The following KCNK2 variants were observed in gnomAD, a reference collection of about 807,000 sequenced individuals.
KCNK2 encodes potassium channel subfamily K member 2.
A neutral mutation model predicts 40.5 loss-of-function variants in KCNK2; 21 were observed. The ratio of observed to expected loss-of-function variants is 0.52; its 90% CI spans 0.37 to 0.75. The LOEUF (loss-of-function observed/expected upper bound fraction) is 0.75, where lower values mean the gene tolerates loss of function less well. KCNK2 is among the 30% of genes least tolerant of loss of function. The pLI is 0.00. For synonymous variants in KCNK2, 191 were observed against 202.2 expected, an observed-to-expected ratio of 0.94 and a Z score of 0.47; for missense variants, 399 against 531.6, an observed-to-expected ratio of 0.75 and a Z score of 2.45.
chr1:215,231,854 G>T (rs1666680482), intron 6 of KCNK2, among the ~76,000 whole-genome samples: 1 of 152,254 alleles, frequency 6.6e-6, no homozygotes, highest in Admixed American at 6.5e-5. Flanking sequence ...GACTTCTTAC[G>T]TGGCAGCGGG....
At chr1:215,210,494 GA>G (rs2102688103) in intron 6 of KCNK2, among the ~76,000 whole-genome samples, 1 of 152,162 alleles carries the variant, frequency 6.6e-6, no homozygotes, top group East Asian at 1.9e-4. Flanking sequence ...TAGTGTCTCT[GA>G]TTTGCAAGTT....
chr1:215,068,363 T>C (rs1658631584), intron 1 of KCNK2, among the ~76,000 whole-genome samples: 1 of 152,018 alleles, frequency 6.6e-6, no homozygotes, highest in Non-Finnish European at 1.5e-5. Context: ...CATATGAAAA[T>C]GGTACAGAGG....
chr1:215,058,404 T>C (rs1266980753), intron 1 of KCNK2, among the ~76,000 whole-genome samples: 3 of 152,210 alleles, frequency 2.0e-5, no homozygotes, highest in Non-Finnish European at 4.4e-5. Flanking sequence ...TTTTCTCCTC[T>C]ATATATCTTT....
chr1:215,015,608 G>C (rs1349672), intron 1 of KCNK2, among the ~76,000 whole-genome samples: 10,005 of 152,086 alleles, frequency 0.066, 910 homozygotes, highest in African/African-American at 0.2. Context: ...TGACAGAGAC[G>C]TGTGCTCCCA....
In KCNK2 at chr1:215,153,581, T is replaced by TA. The variant is rs199807528; in HGVS notation, c.476-15618_476-15617insA. On this transcript the variant is annotated intron_variant, in intron 3 of 6. Coordinates refer to ENST00000444842, the MANE Select transcript of KCNK2 (RefSeq NM_001017425.3). ...TAGCGTTGTTATATATATATATATA[T>TA]TTTTTTTTCTCTGACATCTCTTTTT... 6.4e-3 allele frequency among the ~76,000 whole-genome samples: 809 copies of TA among 127,256 alleles called. 8 individuals carry two copies. The highest frequency in any genetic ancestry group is 0.049 in the South Asian group (227 of 4,666). 83.5% of individuals were successfully genotyped at this position (127,256 alleles called of 152,430 possible). A position where few individuals can be genotyped will look rare whatever the true frequency, so the allele number is the denominator to read the frequency against.
Position 215,086,372 on chromosome 1 carries a change from G to T in KCNK2, c.51G>T (p.Ala17=), listed in dbSNP as rs758535898. The T allele has an allele frequency of 3.3e-5, 53 of 1,613,138 alleles. No individual in the cohort carries two copies. The highest frequency in any genetic ancestry group is 4.2e-5 in the Non-Finnish European group (50 of 1,179,462). ...CTCATTCTCTGTTGTTGTCAGTGGC[G>T]GCACCTGACTTGCTGGATCCTAAAT... ...RERPGYRAGV[A]APDLLDPKSA... Residue 17 remains alanine (A), a synonymous_variant, in exon 2 of 7, where the codon GCG becomes GCT. Transcript: ENST00000444842.
intron 1 of KCNK2, among the ~76,000 whole-genome samples, chr1:215,056,793 A>G (rs1658186297): frequency 6.6e-6 from 1 of 151,954 alleles, no homozygotes; most frequent in Non-Finnish European, 1.5e-5. Flanking sequence ...ACATGGGGTA[A>G]AAAGTTCAGT....
At chr1:215,122,740 C>CTTTTTTTT (rs564207038) in intron 2 of KCNK2, among the ~76,000 whole-genome samples, 4 of 120,356 alleles carry the variant, frequency 3.3e-5, no homozygotes, top group Non-Finnish European at 6.9e-5. Context: ...CATTCATAAT[C>CTTTTTTTT]TTTTTTTTTT....
intron 2 of KCNK2, among the ~76,000 whole-genome samples, chr1:215,122,686 C>A (rs1214249012): frequency 1.3e-5 from 2 of 151,504 alleles, no homozygotes; most frequent in African/African-American, 4.9e-5. Context: ...ATGGAAACAA[C>A]CTTCTAAGAT....
chr1:215,173,224 G>T (rs560274055), intron 5 of KCNK2, among the ~76,000 whole-genome samples: 2 of 152,150 alleles, frequency 1.3e-5, no homozygotes, highest in Admixed American at 6.5e-5. Flanking sequence ...GCACTGTTTG[G>T]TTTTTTGTCC....
At chr1:215,187,610 T>C (rs1197727183) in intron 5 of KCNK2, among the ~76,000 whole-genome samples, 1 of 151,982 alleles carries the variant, frequency 6.6e-6, no homozygotes, top group Non-Finnish European at 1.5e-5. Context: ...TTACCCAACC[T>C]AACACAATTT....
chr1:215,137,881 A>T (rs778386983), intron 3 of KCNK2, among the ~76,000 whole-genome samples: 1 of 152,180 alleles, frequency 6.6e-6, no homozygotes, highest in Non-Finnish European at 1.5e-5. Context: ...CTCAATTTTT[A>T]TGAACTATTG....
intron 3 of KCNK2, among the ~76,000 whole-genome samples, chr1:215,155,615 G>T (rs1662884894): frequency 6.6e-6 from 1 of 152,132 alleles, no homozygotes; most frequent in African/African-American, 2.4e-5. Flanking sequence ...TGCCTCCTGG[G>T]TTCAAGTGAT....
Position 215,169,212 on chromosome 1 carries a change from C to A in KCNK2, c.489C>A (p.Ile163=). 3 of 1,602,438 alleles carry A rather than the reference C, an allele frequency of 1.9e-6. No homozygotes were observed. Among genetic ancestry groups the A allele is most frequent in the Non-Finnish European group, 2.6e-6 (3 of 1,175,252 alleles). Residue 163 remains isoleucine (I), a synonymous_variant, in exon 4 of 7, where the codon ATC becomes ATA. Transcript: ENST00000444842. ...ATTTTTTTAAAGGATTTGGAAACAT[C>A]TCACCACGCACAGAAGGCGGCAAAA... ...TVITTIGFGN[I]SPRTEGGKIF...
chr1:215,113,060 A>G (rs2102565550), intron 2 of KCNK2, among the ~76,000 whole-genome samples: 1 of 152,284 alleles, frequency 6.6e-6, no homozygotes, highest in African/African-American at 2.4e-5. Flanking sequence ...TATACTACAA[A>G]TGATTCTTGA....
In KCNK2 at chr1:215,083,408, A is replaced by T; in HGVS notation, c.23A>T (p.Glu8Val). 1 of 1,613,944 alleles carries T rather than the reference A, an allele frequency of 6.2e-7. No individual in the cohort carries two copies. The highest frequency in any genetic ancestry group is 8.5e-7 in the Non-Finnish European group (1 of 1,179,940). The part of the protein sequence containing the change: MLPSASR[E>V]RPGYRAGVAA... Reference sequence around the variant, plus strand: ...CTCATGCTTCCCAGCGCCTCGCGGGAGAGACCCGGCTATAGAGCAGGAGGT... The same window carrying T: ...CTCATGCTTCCCAGCGCCTCGCGGGTGAGACCCGGCTATAGAGCAGGAGGT... The change falls in exon 1 of 7, where the codon GAG becomes GTG. Residue 8 changes from glutamate (E) to valine (V), a missense_variant. Around this residue, in one of 3 missense-constraint regions of KCNK2, gnomAD observed 279 missense variants for 353.8 expected, o/e 0.79. Transcript: ENST00000444842.
chr1:215,017,412 A>G (rs1656631075), intron 1 of KCNK2, among the ~76,000 whole-genome samples: 1 of 152,156 alleles, frequency 6.6e-6, no homozygotes, highest in South Asian at 2.1e-4. Flanking sequence ...TAGCTGTTAA[A>G]AAAAGTAGGA....
intron 1 of KCNK2, among the ~76,000 whole-genome samples, chr1:215,022,252 C>T (rs1026261024): frequency 8.6e-5 from 13 of 152,040 alleles, no homozygotes; most frequent in African/African-American, 2.7e-4. Context: ...CAGGATCTTC[C>T]CAAATCCCAT....
chr1:215,096,603 G>C (rs1239593616), intron 2 of KCNK2, among the ~76,000 whole-genome samples: 1 of 151,982 alleles, frequency 6.6e-6, no homozygotes, highest in African/African-American at 2.4e-5. Flanking sequence ...GTTGGGGCAA[G>C]GTAGGGTGGA....
Sources: gnomAD v4.1 joint callset for allele counts (sites outside exome capture counted in the v4.1 genomes callset) on GRCh38, gnomAD v4.1.1 for gene constraint, gnomAD v4.1.1 regional missense constraint, MANE v1.5 for transcripts, NCBI Gene and HGNC (gene_info 2026-07-23, HGNC 2026-07-21) for gene names.